Variants in DNAH11 observed in about 807,000 individuals in gnomAD.
DNAH11 encodes axonemal beta dynein heavy chain 11.
A neutral mutation model predicts 526.0 loss-of-function variants in DNAH11; 442 were observed. The observed-to-expected ratio is 0.84, with a 90% CI of 0.78 to 0.91. The LOEUF (loss-of-function observed/expected upper bound fraction) is 0.91, where lower values mean the gene tolerates loss of function less well. DNAH11 is among the 40% of genes least tolerant of loss of function. DNAH11 has a pLI of 0.00. For missense variants in DNAH11, 6,989 were observed against 5,448.7 expected (o/e 1.28, Z -8.90); for synonymous variants, 2,461 against 1,935.9 (o/e 1.27, Z -7.12).
Position 21,606,661 on chromosome 7 carries a change from G to C in DNAH11, c.3780G>C (p.Glu1260Asp). 6.5e-7 allele frequency: 1 copy of C among 1,537,352 alleles called. No individual in the cohort carries two copies. Among genetic ancestry groups the C allele is most frequent in the Non-Finnish European group, 8.9e-7 (1 of 1,122,472 alleles). ...GCAATGATCAGGCAAAGCAGGCAGA[G>C]TTCAGAGAGAGATTCAGACACTATG... Reference protein sequence around the residue: ...KCILFDAKQAEFRERFRHYAP... With the variant: ...KCILFDAKQADFRERFRHYAP... Residue 1260 changes from glutamate (E) to aspartate (D), a missense_variant, in exon 20 of 82, where the codon GAG (glutamate) becomes GAC (aspartate). Transcript: ENST00000409508.
Position 21,744,475 on chromosome 7 carries a change from C to T in DNAH11, c.8192C>T (p.Pro2731Leu), listed in dbSNP as rs368553793. The change falls in exon 50 of 82, where the codon CCA (proline) becomes CTA (leucine). Residue 2731 changes from proline to leucine, a missense_variant. Physicochemically the swap from Pro to Leu is moderately conservative, Grantham distance 98 (BLOSUM62 -3). Transcript: ENST00000409508. ...LFASPECLKGPLDLIHLWLHE... is the reference protein window; with the variant it reads ...LFASPECLKGLLDLIHLWLHE... The stretch of plus-strand genomic sequence containing the variant: ...GCTTCTCCTGAGTGTTTAAAAGGTC[C>T]ACTTGATTTAATACATCTGTGGCTT... 6.2e-7 allele frequency: 1 copy of T among 1,613,734 alleles called. No individual in the cohort carries two copies.
intron 2 of DNAH11, among the ~76,000 whole-genome samples, chr7:21,556,973 A>G (rs1310063425): frequency 1.3e-5 from 2 of 152,042 alleles, no homozygotes. Flanking sequence ...AGGCAGGAGA[A>G]TCGCTTGAAC....
intron 24 of DNAH11, 100 bp from the exon 25 acceptor site, chr7:21,619,856 T>C: frequency 8.7e-7 from 1 of 1,143,518 alleles, no homozygotes; most frequent in Non-Finnish European, 1.3e-6. Flanking sequence ...TGATATCAGT[T>C]TGCATTTTTG....
rs1784845679 is a variant in DNAH11, at chr7:21,720,797, G to A, written c.7207G>A (p.Glu2403Lys). 2 of 1,611,210 alleles carry A rather than the reference G, an allele frequency of 1.2e-6. No homozygotes were observed. Among genetic ancestry groups the A allele is most frequent in the Admixed American group, 1.7e-5 (1 of 59,618 alleles). Residue 2403 changes from glutamate to lysine, a missense_variant, in exon 44 of 82, where the codon GAA becomes AAA. Glu to Lys is a moderately conservative substitution (Grantham distance 56). Coordinates refer to ENST00000409508, the MANE Select transcript of DNAH11 (RefSeq NM_001277115.2). ...VPSDSPKEVY[E>K]VYFVFACIWA... ...TTCTGACAGCCCAAAAGAAGTTTATGAAGTCTATTTTGTATTTGCTTGTAT... is the reference window on the plus strand; with the variant it reads ...TTCTGACAGCCCAAAAGAAGTTTATAAAGTCTATTTTGTATTTGCTTGTAT...
intron 20 of DNAH11, among the ~76,000 whole-genome samples, chr7:21,612,896 G>T (rs1785590662): frequency 6.6e-6 from 1 of 152,084 alleles, no homozygotes; most frequent in Non-Finnish European, 1.5e-5. Context: ...AAATTAGGGA[G>T]AAAAAATCGT....
intron 30 of DNAH11, among the ~76,000 whole-genome samples, chr7:21,681,332 C>T (rs1173416939): frequency 6.6e-6 from 1 of 151,846 alleles, no homozygotes; most frequent in Non-Finnish European, 1.5e-5. Context: ...GAGGCTGAGG[C>T]AGGAGAATTG....
Position 21,901,396 on chromosome 7 carries a change from A to AAGTC in DNAH11, c.*145_*148dup, listed in dbSNP as rs553686591. ...TTTTTCAACGCTATCCTTAGAGTGA[A>AAGTC]AGTCAGAAAAAAATACTAGAAACTA... On this transcript the variant is annotated 3_prime_UTR_variant, in exon 82 of 82. Transcript: ENST00000409508. 1,892 of 1,204,388 alleles carry AAGTC rather than the reference A, an allele frequency of 1.6e-3. 29 individuals carry two copies. The African/African-American group carries it at 0.026, about 17-fold the overall frequency. The allele number at this position is 1,204,388 out of a possible 1,614,324, so 74.6% of individuals were successfully genotyped here. A position where few individuals can be genotyped will look rare whatever the true frequency, so the allele number is the denominator to read the frequency against.
chr7:21,839,152 T>C (rs1782107914), intron 65 of DNAH11, among the ~76,000 whole-genome samples: 1 of 152,226 alleles, frequency 6.6e-6, no homozygotes, highest in Non-Finnish European at 1.5e-5. Context: ...TGGAGAAATG[T>C]TTATTTAGTT....
intron 44 of DNAH11, among the ~76,000 whole-genome samples, chr7:21,722,010 G>T (rs1784896276): frequency 6.6e-6 from 1 of 151,994 alleles, no homozygotes; most frequent in African/African-American, 2.4e-5. Context: ...GATTTCCTGT[G>T]GGAAAACACT....
At position 21,807,924 on chromosome 7, in the gene DNAH11, C is replaced by G; in HGVS notation, c.10207C>G (p.Gln3403Glu). 1 of 1,608,346 alleles carries G rather than the reference C, an allele frequency of 6.2e-7. No homozygotes were observed. The highest frequency in any genetic ancestry group is 8.5e-7 in the Non-Finnish European group (1 of 1,175,818). ...WGQSIKSFEA[Q>E]EKTLCGDVLL... ...TCAATCCATTAAGTCCTTTGAAGCT[C>G]AAGAGAAGACACTCTGTGGAGATGT... The change falls in exon 63 of 82, where the codon CAA (glutamine) becomes GAA (glutamate). Residue 3403 changes from glutamine to glutamate, a missense_variant. Physicochemically the swap from Gln to Glu is conservative, Grantham distance 29 (BLOSUM62 2). Transcript: ENST00000409508.
intron 76 of DNAH11, among the ~76,000 whole-genome samples, chr7:21,885,803 G>A (rs1394865981): frequency 6.6e-6 from 1 of 152,144 alleles, no homozygotes; most frequent in Non-Finnish European, 1.5e-5. Flanking sequence ...TCTCTCGTGA[G>A]GAAGAGGTAG....
chr7:21,850,058 C>G (rs770162077), intron 66 of DNAH11, among the ~76,000 whole-genome samples: 8 of 151,118 alleles, frequency 5.3e-5, no homozygotes, highest in Non-Finnish European at 1.0e-4. Context: ...CTCATGAGCC[C>G]GTCAAAAACA....
intron 20 of DNAH11, 66 bp from the exon 21 acceptor site, chr7:21,615,048 C>T (rs1785700427): frequency 6.8e-7 from 1 of 1,470,452 alleles, no homozygotes; most frequent in African/African-American, 1.4e-5. Flanking sequence ...ATAACCAGAG[C>T]TACAGAACTG....
At chr7:21,863,382 C>T (rs1456807870) in intron 69 of DNAH11, among the ~76,000 whole-genome samples, 1 of 152,100 alleles carries the variant, frequency 6.6e-6, no homozygotes, top group South Asian at 2.1e-4. Context: ...GGCTGGGGTG[C>T]GGTGGTGCTA....
intron 35 of DNAH11, among the ~76,000 whole-genome samples, chr7:21,695,411 A>G (rs1324130722): frequency 1.3e-5 from 2 of 152,228 alleles, no homozygotes; most frequent in Non-Finnish European, 2.9e-5. Flanking sequence ...GACCAATGGA[A>G]CAGAACGGAG....
At chr7:21,646,919 G>C (rs1002856900) in intron 28 of DNAH11, among the ~76,000 whole-genome samples, 15 of 152,152 alleles carry the variant, frequency 9.9e-5, no homozygotes, top group Admixed American at 4.6e-4. Context: ...ACAATGTCTG[G>C]CATTGCATTA....
intron 30 of DNAH11, among the ~76,000 whole-genome samples, chr7:21,668,948 A>G (rs1782528030): frequency 6.6e-6 from 1 of 152,188 alleles, no homozygotes; most frequent in Non-Finnish European, 1.5e-5. Flanking sequence ...GGACAATGTA[A>G]CCGAATTTCA....
intron 54 of DNAH11, among the ~76,000 whole-genome samples, chr7:21,756,697 A>T (rs758769631): frequency 6.6e-6 from 1 of 152,092 alleles, no homozygotes; most frequent in Non-Finnish European, 1.5e-5. Flanking sequence ...AAAACAAAGG[A>T]TATTTTTCCA....
chr7:21,587,423 C>A (rs999385277), intron 9 of DNAH11, among the ~76,000 whole-genome samples: 1 of 152,048 alleles, frequency 6.6e-6, no homozygotes, highest in Non-Finnish European at 1.5e-5. Flanking sequence ...ATAATTTTAG[C>A]CAGCATGGAT....
Sources: allele counts gnomAD v4.1 joint callset (sites outside exome capture counted in the v4.1 genomes callset), GRCh38; gene constraint gnomAD v4.1.1; transcripts MANE v1.5; gene names NCBI Gene and HGNC (gene_info 2026-07-23, HGNC 2026-07-21).